The following IL1RL2 variants were observed in gnomAD, a reference collection of about 807,000 sequenced individuals.
IL1RL2 encodes the protein interleukin 1 receptor like 2.
A neutral mutation model predicts 66.8 loss-of-function variants in IL1RL2; 68 were observed. The ratio of observed to expected loss-of-function variants is 1.02; its 90% CI spans 0.84 to 1.25. IL1RL2 has a LOEUF of 1.25. Ranked by LOEUF, IL1RL2 falls within the 50% of genes most tolerant of loss-of-function variation. The pLI is 0.00. For synonymous variants in IL1RL2, 305 were observed against 264.6 expected (o/e 1.15, Z -1.48); for missense variants, 729 against 709.3 (o/e 1.03, Z -0.32).
chr2:102,195,617 CTTTCTTTCTT>C (rs1408048659), intron 4 of IL1RL2, among the ~76,000 whole-genome samples: 934 of 16,802 alleles, frequency 0.056, 9 homozygotes, highest in Middle Eastern at 0.088. Flanking sequence ...TTCTTTCTTT[CTTTCTTTCTT>C]TCTCTCTCTC....
chr2:102,191,776 G>A, intron 3 of IL1RL2, 149 bp from the exon 4 acceptor site: 1 of 585,738 alleles, frequency 1.7e-6, no homozygotes. Flanking sequence ...CTTTTGTGAT[G>A]AATCATTTGT....
At position 102,187,067 on chromosome 2, in the gene IL1RL2, C is replaced by T. The variant is rs1408932145; in HGVS notation, c.-32C>T. ...TTTCCACTCTCCACGAGGTCCTGCGCGCTTCAATCCTGCAGGCAGGTAGAC... is the reference window on the plus strand; with the variant it reads ...TTTCCACTCTCCACGAGGTCCTGCGTGCTTCAATCCTGCAGGCAGGTAGAC... On this transcript the variant is annotated 5_prime_UTR_variant, in exon 1 of 12. Coordinates refer to ENST00000264257, the MANE Select transcript of IL1RL2 (RefSeq NM_003854.4). 3 of 1,289,878 alleles carry T rather than the reference C, an allele frequency of 2.3e-6. No individual in the cohort carries two copies. The highest frequency in any genetic ancestry group is 1.5e-5 in the African/African-American group (1 of 65,992). The allele number at this position is 1,289,878 out of a possible 1,614,324, so 79.9% of individuals were successfully genotyped here.
At chr2:102,230,681 AG>A (rs1038624357) in intron 9 of IL1RL2, among the ~76,000 whole-genome samples, 1 of 152,198 alleles carries the variant, frequency 6.6e-6, no homozygotes, top group Non-Finnish European at 1.5e-5. Flanking sequence ...GAGGCAGACA[AG>A]GAGTGTGCAC....
chr2:102,209,349 G>A (rs1688962208), intron 5 of IL1RL2, among the ~76,000 whole-genome samples: 1 of 152,204 alleles, frequency 6.6e-6, no homozygotes, highest in Non-Finnish European at 1.5e-5. Flanking sequence ...AAAAGAATAA[G>A]AAGGGTCCGT....
chr2:102,198,004 T>C (rs1687929028), intron 4 of IL1RL2, among the ~76,000 whole-genome samples: 1 of 152,200 alleles, frequency 6.6e-6, no homozygotes, highest in Non-Finnish European at 1.5e-5. Context: ...GCACCTAGTA[T>C]CTTGTCTTGA....
At chr2:102,231,003 A>G (rs1179874442) in intron 9 of IL1RL2, among the ~76,000 whole-genome samples, 2 of 152,244 alleles carry the variant, frequency 1.3e-5, no homozygotes, top group East Asian at 3.8e-4. Context: ...AAACTCTCAT[A>G]TAAAGGAAAT....
intron 3 of IL1RL2, 86 bp from the exon 4 acceptor site, chr2:102,191,839 G>C (rs1687255854): frequency 2.1e-6 from 2 of 973,278 alleles, no homozygotes; most frequent in South Asian, 1.5e-5. Flanking sequence ...CTGTGAAAAT[G>C]ATTTGAAAAC....
chr2:102,187,152 T>C, intron 1 of IL1RL2, 66 bp downstream of exon 1: 1 of 1,272,668 alleles, frequency 7.9e-7, no homozygotes, highest in Non-Finnish European at 1.0e-6. Context: ...AGGAGAGGTG[T>C]GCAGGAAAAG....
chr2:102,189,921 G>T (rs1054110862), intron 3 of IL1RL2, among the ~76,000 whole-genome samples: 2 of 152,206 alleles, frequency 1.3e-5, no homozygotes, highest in Non-Finnish European at 2.9e-5. Flanking sequence ...CAAAGTGCTG[G>T]GATTACAGGC....
At chr2:102,208,453 G>A (rs1688884559) in intron 5 of IL1RL2, among the ~76,000 whole-genome samples, 2 of 152,350 alleles carry the variant, frequency 1.3e-5, no homozygotes, top group African/African-American at 4.8e-5. Flanking sequence ...AAACACACTG[G>A]ACAAGGAGTT....
At chr2:102,204,933 C>A (rs1326028510) in intron 5 of IL1RL2, among the ~76,000 whole-genome samples, 1 of 151,866 alleles carries the variant, frequency 6.6e-6, no homozygotes, top group Non-Finnish European at 1.5e-5. Flanking sequence ...TTCCTCCTTT[C>A]TTTCCTTCCT....
intron 8 of IL1RL2, among the ~76,000 whole-genome samples, chr2:102,223,145 A>T (rs775213209): frequency 2.0e-5 from 3 of 152,106 alleles, no homozygotes; most frequent in Non-Finnish European, 4.4e-5. Flanking sequence ...GGCAATGCTC[A>T]TTTTATCTCA....
chr2:102,228,766 T>C (rs952601419), intron 9 of IL1RL2, among the ~76,000 whole-genome samples: 2 of 152,230 alleles, frequency 1.3e-5, no homozygotes, highest in African/African-American at 4.8e-5. Flanking sequence ...AATTTGCTTT[T>C]CAAGCTAAAG....
intron 10 of IL1RL2, 111 bp from the exon 11 acceptor site, chr2:102,234,786 C>CAA: frequency 1.4e-4 from 109 of 802,462 alleles, no homozygotes; most frequent in Middle Eastern, 4.0e-4. Context: ...GACTTCACTT[C>CAA]AAAAAAAAAA....
intron 9 of IL1RL2, 27 bp from the exon 10 acceptor site, chr2:102,232,936 C>T (rs1486853548): frequency 1.9e-6 from 3 of 1,591,202 alleles, no homozygotes; most frequent in Non-Finnish European, 2.6e-6. Context: ...AGCAACAATT[C>T]CACAAGCTTG....
intron 9 of IL1RL2, among the ~76,000 whole-genome samples, chr2:102,227,614 C>T (rs1047669625): frequency 6.6e-6 from 1 of 152,198 alleles, no homozygotes; most frequent in African/African-American, 2.4e-5. Flanking sequence ...GAGGCCGCCC[C>T]GTCTAAGCAC....
At chr2:102,191,057 G>A (rs536134724) in intron 3 of IL1RL2, among the ~76,000 whole-genome samples, 50 of 152,016 alleles carry the variant, frequency 3.3e-4, no homozygotes, top group South Asian at 2.1e-4. Context: ...TAGATTCCTC[G>A]TTTTTAAGAA....
intron 4 of IL1RL2, among the ~76,000 whole-genome samples, chr2:102,194,481 G>A (rs1349438639): frequency 2.0e-5 from 3 of 152,242 alleles, no homozygotes; most frequent in African/African-American, 4.8e-5. Context: ...ATAAGGGTAC[G>A]TAGAAAATGC....
intron 11 of IL1RL2, among the ~76,000 whole-genome samples, chr2:102,237,345 G>T (rs1156383183): frequency 1.3e-5 from 2 of 152,250 alleles, no homozygotes; most frequent in African/African-American, 4.8e-5. Context: ...GTGGCCAGAG[G>T]TGGTGCCCAC....
Sources: gnomAD v4.1 joint callset for allele counts (sites outside exome capture counted in the v4.1 genomes callset) on GRCh38, gnomAD v4.1.1 for gene constraint, MANE v1.5 for transcripts, NCBI Gene and HGNC (gene_info 2026-07-23, HGNC 2026-07-21) for gene names.